COL14A1: variants seen among roughly 807,000 people sequenced by gnomAD.
COL14A1 encodes collagen alpha-1(XIV) chain.
COL14A1 carries 136 observed loss-of-function variants against 230.3 expected under a neutral mutation model. That is an observed-to-expected ratio of 0.59 (90% CI 0.51 to 0.68). The LOEUF (loss-of-function observed/expected upper bound fraction) is 0.68, where lower values mean the gene tolerates loss of function less well. Among genes scored for constraint, COL14A1 ranks in the 30% least tolerant of loss-of-function variants. COL14A1 has a pLI of 0.00. For synonymous variants in COL14A1, 792 were observed against 784.1 expected (o/e 1.01, Z -0.17); for missense variants, 1,976 against 2,215.8 (o/e 0.89, Z 2.17).
intron 5 of COL14A1, among the ~76,000 whole-genome samples, chr8:120,183,208 A>G (rs1267594177): frequency 6.6e-6 from 1 of 152,158 alleles, no homozygotes. Context: ...AAAGAAGACT[A>G]ATTGTATTGG....
rs113252138 is a variant in COL14A1 at position 120,249,302 on chromosome 8, A to G, written c.2603-1315A>G. Among the ~76,000 whole-genome samples the G allele has an allele frequency of 4.6e-3, 706 of 151,958 alleles. 7 individuals carry two copies. The highest frequency in any genetic ancestry group is 0.015 in the African/African-American group (629 of 41,446). On this transcript the variant is annotated intron_variant, in intron 21 of 47. Transcript: ENST00000297848. ...TATTGTGCCTCATTATCCAGGTGCTATTGTCTTCAGGCCCGTAAGACTCAA... is the reference window on the plus strand; with the variant it reads ...TATTGTGCCTCATTATCCAGGTGCTGTTGTCTTCAGGCCCGTAAGACTCAA...
intron 26 of COL14A1, 68 bp downstream of exon 26, chr8:120,270,242 T>C (rs1057006370): frequency 6.9e-7 from 1 of 1,455,096 alleles, no homozygotes; most frequent in African/African-American, 1.4e-5. Context: ...TTATTACAGC[T>C]ACTTGTCAGG....
chr8:120,210,539 G>A (rs1463946620), intron 12 of COL14A1, among the ~76,000 whole-genome samples: 1 of 152,100 alleles, frequency 6.6e-6, no homozygotes, highest in Non-Finnish European at 1.5e-5. Flanking sequence ...TACCTCATTG[G>A]TGCAAAATTT....
chr8:120,328,355 G>A (rs1821755369), intron 40 of COL14A1, among the ~76,000 whole-genome samples: 1 of 151,914 alleles, frequency 6.6e-6, no homozygotes, highest in Non-Finnish European at 1.5e-5. Context: ...AGAGTAGCTG[G>A]GACTACAGGC....
At chr8:120,220,296 A>G (rs1364439566) in intron 14 of COL14A1, among the ~76,000 whole-genome samples, 2 of 107,090 alleles carry the variant, frequency 1.9e-5, no homozygotes, top group African/African-American at 3.9e-5. Flanking sequence ...TTTTTTTGAG[A>G]TGAAGTCTTG....
chr8:120,218,553 G>A (rs776420176), intron 14 of COL14A1, among the ~76,000 whole-genome samples: 8 of 152,056 alleles, frequency 5.3e-5, no homozygotes, highest in South Asian at 4.1e-4. Context: ...CAGGCAATCC[G>A]CCCGCCTAGG....
intron 19 of COL14A1, among the ~76,000 whole-genome samples, chr8:120,232,709 G>A (rs144534520): frequency 0.026 from 3,960 of 152,266 alleles, 72 homozygotes; most frequent in Non-Finnish European, 0.032. Context: ...GCTATTGTGA[G>A]TAGTGCTGCA....
Position 120,340,097 on chromosome 8 carries a change from TGTGA to T in COL14A1, c.4786-1216_4786-1213del, listed in dbSNP as rs953443776. ...TATGTGTGTGTATGTGGTGTATGTT[TGTGA>T]GTGAGTGAGTGTGTGTGTGTGTGTG... On this transcript the variant is annotated intron_variant, in intron 42 of 47. Transcript: ENST00000297848. Among the ~76,000 whole-genome samples the T allele has an allele frequency of 1.9e-3, 231 of 118,472 alleles. 3 individuals carry two copies. Among genetic ancestry groups the T allele is most frequent in the Middle Eastern group, 0.012 (3 of 242 alleles). The allele number at this position is 118,472 out of a possible 152,430, so 77.7% of individuals were successfully genotyped here. A position where few individuals can be genotyped will look rare whatever the true frequency, so the allele number is the denominator to read the frequency against.
At chr8:120,329,325 T>A (rs1563740744) in intron 40 of COL14A1, among the ~76,000 whole-genome samples, 1 of 152,220 alleles carries the variant, frequency 6.6e-6, no homozygotes, top group East Asian at 1.9e-4. Context: ...CATAATTTAT[T>A]GGCTGGGTGC....
chr8:120,231,305 T>G (rs1818259973), intron 18 of COL14A1, among the ~76,000 whole-genome samples, 162 bp from the exon 19 acceptor site: 1 of 152,160 alleles, frequency 6.6e-6, no homozygotes, highest in Admixed American at 6.6e-5. Context: ...GTATCATGCC[T>G]CCCCATTAAG....
chr8:120,319,939 A>G (rs1821380105), intron 40 of COL14A1, among the ~76,000 whole-genome samples: 1 of 152,106 alleles, frequency 6.6e-6, no homozygotes. Flanking sequence ...CTCATCTTTC[A>G]TTTGCACTGT....
intron 1 of COL14A1, among the ~76,000 whole-genome samples, chr8:120,146,904 T>G (rs1815107884): frequency 6.6e-6 from 1 of 152,058 alleles, no homozygotes; most frequent in African/African-American, 2.4e-5. Context: ...GGGAAGGATT[T>G]CAGAATTTCT....
intron 14 of COL14A1, among the ~76,000 whole-genome samples, chr8:120,224,350 C>T (rs1230937534): frequency 6.6e-6 from 1 of 152,100 alleles, no homozygotes; most frequent in Non-Finnish European, 1.5e-5. Context: ...TTTGCTAACA[C>T]AATGCTGGTT....
intron 34 of COL14A1, among the ~76,000 whole-genome samples, chr8:120,293,587 A>G (rs1820436769): frequency 6.6e-6 from 1 of 151,848 alleles, no homozygotes; most frequent in Admixed American, 6.6e-5. Context: ...TCCCCTTTCA[A>G]AAAGTGAGAG....
chr8:120,140,516 A>G (rs1814868206), intron 1 of COL14A1, among the ~76,000 whole-genome samples: 1 of 152,154 alleles, frequency 6.6e-6, no homozygotes, highest in South Asian at 2.1e-4. Flanking sequence ...GAGTTGCTGG[A>G]TATATGGTAT....
intron 19 of COL14A1, among the ~76,000 whole-genome samples, chr8:120,239,847 G>GTTTC (rs57792962): frequency 0.57 from 84,994 of 149,206 alleles, 25,020 homozygotes; most frequent in East Asian, 0.79. Flanking sequence ...TTTTTTGTTT[G>GTTTC]TTTGCTTTTT....
intron 14 of COL14A1, among the ~76,000 whole-genome samples, chr8:120,219,616 C>T (rs1440191378): frequency 6.6e-6 from 1 of 152,062 alleles, no homozygotes; most frequent in Non-Finnish European, 1.5e-5. Flanking sequence ...TCTCAAAGAC[C>T]CCATCTCTTA....
chr8:120,243,543 A>C (rs1405451605), intron 19 of COL14A1, among the ~76,000 whole-genome samples: 1 of 152,162 alleles, frequency 6.6e-6, no homozygotes, highest in African/African-American at 2.4e-5. Flanking sequence ...TTATAGAATG[A>C]GCTCTCCCAA....
Position 120,177,652 on chromosome 8 carries a change from CAAAAAAAA to C in COL14A1, c.436+9418_436+9425del, listed in dbSNP as rs60652647. On this transcript the variant is annotated intron_variant, in intron 5 of 47. Coordinates refer to ENST00000297848, the MANE Select transcript of COL14A1 (RefSeq NM_021110.4). The stretch of plus-strand genomic sequence containing the variant: ...TGACAGAGCGAGACTTTGCCTGCTT[CAAAAAAAA>C]AAAAAAAAAAAAGACTGTATACATA... Among the ~76,000 whole-genome samples, 615 of 82,836 alleles carry C rather than the reference CAAAAAAAA, an allele frequency of 7.4e-3. 5 individuals carry two copies. Among genetic ancestry groups the C allele is most frequent in the African/African-American group, 0.028 (594 of 21,534 alleles). 54.3% of individuals were successfully genotyped at this position (82,836 alleles called of 152,430 possible). A position where few individuals can be genotyped will look rare whatever the true frequency, so the allele number is the denominator to read the frequency against.
Sources: gnomAD v4.1 joint callset for allele counts (sites outside exome capture counted in the v4.1 genomes callset) on GRCh38, gnomAD v4.1.1 for gene constraint, MANE v1.5 for transcripts, NCBI Gene and HGNC (gene_info 2026-07-23, HGNC 2026-07-21) for gene names.